The following NEK1 variants were observed in gnomAD, a reference collection of about 807,000 sequenced individuals.
The protein encoded by NEK1 is serine/threonine-protein kinase Nek1.
In NEK1, 137 loss-of-function variants were observed where a neutral mutation model predicts 182.1. That is an observed-to-expected ratio of 0.75 (90% CI 0.65 to 0.87). The LOEUF (loss-of-function observed/expected upper bound fraction) is 0.87, where lower values mean the gene tolerates loss of function less well. NEK1 is among the 40% of genes least tolerant of loss of function. NEK1 has a pLI of 0.00. For synonymous variants in NEK1, 513 were observed against 492.2 expected (o/e 1.04, Z -0.56); for missense variants, 1,391 against 1,494.4 (o/e 0.93, Z 1.14).
In NEK1 at chr4:169,603,768, C is replaced by T. The variant is rs114280077; in HGVS notation, c.-48-1090G>A. ...AAGCCCAGGATGGAGTGCAGTCACA[C>T]GATCTCGGCTCACTGCAATCTCCAC... On this transcript the variant is annotated intron_variant, in intron 2 of 35. Coordinates refer to ENST00000507142, the MANE Select transcript of NEK1 (RefSeq NM_001199397.3). 4.6e-3 allele frequency among the ~76,000 whole-genome samples: 680 copies of T among 148,850 alleles called. 3 individuals carry two copies. Among genetic ancestry groups the T allele is most frequent in the African/African-American group, 0.016 (647 of 39,680 alleles).
At chr4:169,525,314 A>C (rs1182319424) in intron 19 of NEK1, among the ~76,000 whole-genome samples, 1 of 151,926 alleles carries the variant, frequency 6.6e-6, no homozygotes, top group Non-Finnish European at 1.5e-5. Context: ...TTTTTAGTAG[A>C]GATGGGGTTT....
At chr4:169,495,019 AT>A (rs1446056814) in intron 23 of NEK1, among the ~76,000 whole-genome samples, 1 of 151,768 alleles carries the variant, frequency 6.6e-6, no homozygotes, top group African/African-American at 2.4e-5. Flanking sequence ...GGTTGCAAAA[AT>A]TTTCTCCCAT....
intron 27 of NEK1, among the ~76,000 whole-genome samples, chr4:169,443,058 T>TCTATCTAC (rs1358224944): frequency 7.1e-6 from 1 of 141,686 alleles, no homozygotes; most frequent in South Asian, 2.2e-4. Context: ...ATTTTATCTA[T>TCTATCTAC]CTATCTATCT....
chr4:169,591,200 C>T (rs1768438593), intron 5 of NEK1, among the ~76,000 whole-genome samples: 1 of 149,988 alleles, frequency 6.7e-6, no homozygotes, highest in Non-Finnish European at 1.5e-5. Context: ...GGCTGGAGTG[C>T]AGTCGTGTTA....
chr4:169,610,879 T>C (rs1772213221), intron 2 of NEK1, among the ~76,000 whole-genome samples: 1 of 152,218 alleles, frequency 6.6e-6, no homozygotes, highest in Admixed American at 6.5e-5. Context: ...ATACATACAG[T>C]TCTGCCTAAG....
At chr4:169,411,084 C>A (rs1733595521) in intron 31 of NEK1, among the ~76,000 whole-genome samples, 1 of 152,156 alleles carries the variant, frequency 6.6e-6, no homozygotes, top group Non-Finnish European at 1.5e-5. Flanking sequence ...CAAGATAGGT[C>A]TCACTCTCAG....
intron 19 of NEK1, among the ~76,000 whole-genome samples, chr4:169,535,880 C>CAAA (rs58257441): frequency 1.1e-4 from 9 of 84,990 alleles, no homozygotes; most frequent in African/African-American, 3.8e-4. Flanking sequence ...AACTCCGTGT[C>CAAA]AAAAAAAAAA....
At chr4:169,436,823 G>A (rs912622222) in intron 28 of NEK1, among the ~76,000 whole-genome samples, 1 of 152,242 alleles carries the variant, frequency 6.6e-6, no homozygotes, top group African/African-American at 2.4e-5. Context: ...CTCTTTGATA[G>A]AGAAAGAATT....
At chr4:169,408,830 C>T (rs1250372863) in intron 31 of NEK1, among the ~76,000 whole-genome samples, 1 of 152,212 alleles carries the variant, frequency 6.6e-6, no homozygotes, top group East Asian at 1.9e-4. Context: ...GAGTAGTCTT[C>T]CAAGGTACGT....
intron 19 of NEK1, among the ~76,000 whole-genome samples, chr4:169,531,849 C>T (rs574353113): frequency 1.8e-4 from 28 of 152,094 alleles, no homozygotes; most frequent in Admixed American, 1.4e-3. Context: ...CACATAAATC[C>T]GATGAGCTTT....
chr4:169,398,364 G>T, intron 35 of NEK1, among the ~76,000 whole-genome samples: 1 of 149,128 alleles, frequency 6.7e-6, no homozygotes, highest in South Asian at 2.1e-4. Flanking sequence ...AATACTTTTT[G>T]CTCCTTAAAG....
At chr4:169,576,802 A>G (rs941185892) in intron 12 of NEK1, 126 bp downstream of exon 12, 72 of 916,578 alleles carry the variant, frequency 7.9e-5, no homozygotes, top group African/African-American at 1.3e-4. Flanking sequence ...TAAAACACAG[A>G]AGGAGGACAT....
intron 19 of NEK1, among the ~76,000 whole-genome samples, chr4:169,534,274 T>C (rs1758115126): frequency 6.6e-6 from 1 of 152,076 alleles, no homozygotes; most frequent in African/African-American, 2.4e-5. Context: ...GAGTGATCCT[T>C]GAGAGAAGGG....
Position 169,400,538 on chromosome 4 carries a change from C to T in NEK1, c.3697G>A (p.Val1233Ile), listed in dbSNP as rs1354820606. The part of the protein sequence containing the change: ...QEMGFEKFFE[V>I]YEKIKAIHED... ...TCACTTACCTTTATTTTCTCATAAA[C>T]CTCAAAGAATTTTTCAAAGCCCATT... is the stretch of plus-strand genomic sequence containing the variant. The change falls in exon 34 of 36, where the codon GTT becomes ATT. Residue 1233 changes from valine to isoleucine, a missense_variant. By Grantham distance (29) the Val-to-Ile change is conservative. Coordinates refer to ENST00000507142, the MANE Select transcript of NEK1 (RefSeq NM_001199397.3). The T allele has an allele frequency of 6.2e-7, 1 of 1,603,274 alleles. No homozygotes were observed. Among genetic ancestry groups the T allele is most frequent in the Admixed American group, 1.7e-5 (1 of 58,020 alleles).
chr4:169,529,698 A>G (rs917288584), intron 19 of NEK1, among the ~76,000 whole-genome samples: 1 of 152,238 alleles, frequency 6.6e-6, no homozygotes, highest in African/African-American at 2.4e-5. Context: ...ACTTGTATTC[A>G]GAACATATAA....
chr4:169,435,598 T>C (rs1738263360), intron 28 of NEK1, among the ~76,000 whole-genome samples: 1 of 152,204 alleles, frequency 6.6e-6, no homozygotes, highest in African/African-American at 2.4e-5. Flanking sequence ...ACAGTGAAAG[T>C]GATGCTATGC....
At chr4:169,508,217 A>G (rs766129894) in intron 21 of NEK1, 31 bp downstream of exon 21, 39 of 1,542,316 alleles carry the variant, frequency 2.5e-5, no homozygotes, top group Non-Finnish European at 3.2e-5. Context: ...ACATCATTCA[A>G]TTTCTTCAAA....
At chr4:169,570,375 G>A (rs1401961176) in intron 12 of NEK1, among the ~76,000 whole-genome samples, 8 of 139,634 alleles carry the variant, frequency 5.7e-5, no homozygotes, top group Non-Finnish European at 1.1e-4. Context: ...GTCAGCCCCC[G>A]CCAGGCCAGC....
In NEK1 at chr4:169,582,904, A is replaced by AC. The variant is rs1348425360; in HGVS notation, c.808-2003dup. 2.0e-5 allele frequency among the ~76,000 whole-genome samples: 3 copies of AC among 152,260 alleles called. No homozygotes were observed. In the East Asian group the frequency reaches 5.8e-4, roughly 29 times the overall value. On this transcript the variant is annotated intron_variant, in intron 10 of 35. Coordinates refer to ENST00000507142, the MANE Select transcript of NEK1 (RefSeq NM_001199397.3). The stretch of plus-strand genomic sequence containing the variant: ...CATTTTCATCATCACAGAGCATTCC[A>AC]CTGGACAGCCCCTACATTCCTAATG...
Sources: gnomAD v4.1 joint callset for allele counts (sites outside exome capture counted in the v4.1 genomes callset) on GRCh38, gnomAD v4.1.1 for gene constraint, MANE v1.5 for transcripts, NCBI Gene and HGNC (gene_info 2026-07-23, HGNC 2026-07-21) for gene names.